Variants in ARMC8 observed in about 807,000 individuals in gnomAD.
ARMC8 encodes the protein armadillo repeat containing 8, also known as armadillo repeat-containing protein 8.
Under a neutral mutation model 99.3 loss-of-function variants are expected in ARMC8, and 20 were observed. That is an observed-to-expected ratio of 0.20 (90% confidence interval 0.14 to 0.29). The LOEUF (loss-of-function observed/expected upper bound fraction) is 0.29, where lower values mean the gene tolerates loss of function less well. ARMC8 is among the 10% of genes least tolerant of loss of function. The pLI is 1.00. For missense variants in ARMC8, 569 were observed against 809.5 expected (o/e 0.70, Z 3.60); for synonymous variants, 263 against 278.3 (o/e 0.95, Z 0.55).
rs751370513 is a variant in ARMC8 at position 138,187,532 on chromosome 3, G to C, written c.-23G>C. 77 of 1,535,402 alleles carry C rather than the reference G, an allele frequency of 5.0e-5. No individual in the cohort carries two copies. The highest frequency in any genetic ancestry group is 1.7e-4 in the Middle Eastern group (1 of 6,008). On this transcript the variant is annotated 5_prime_UTR_variant, in exon 1 of 22. Transcript: ENST00000469044. The stretch of plus-strand genomic sequence containing the variant: ...GCCGGCCCCCGCGCCGGCGCCTGCA[G>C]CAGCCGGGTGGGAAGGCTCAAGATG...
At chr3:138,212,656 G>T (rs968714884) in intron 2 of ARMC8, among the ~76,000 whole-genome samples, 3 of 152,082 alleles carry the variant, frequency 2.0e-5, no homozygotes, top group African/African-American at 7.2e-5. Context: ...AATGAAAATG[G>T]TATTTAGGAA....
chr3:138,188,292 A>G (rs1461891879), intron 1 of ARMC8: 2 of 995,890 alleles, frequency 2.0e-6, no homozygotes, highest in South Asian at 1.9e-5. Flanking sequence ...AGGGGAGTCA[A>G]ACATTGAAGG....
chr3:138,274,939 A>G (rs879620833), intron 18 of ARMC8, among the ~76,000 whole-genome samples: 2 of 152,216 alleles, frequency 1.3e-5, no homozygotes, highest in Non-Finnish European at 2.9e-5. Context: ...CGCTGATAAA[A>G]TAATTCCTCA....
chr3:138,194,555 G>C (rs575711123), intron 1 of ARMC8, among the ~76,000 whole-genome samples: 1 of 151,032 alleles, frequency 6.6e-6, no homozygotes, highest in East Asian at 1.9e-4. Context: ...AGCCAGGATG[G>C]TCTCGATCTC....
intron 12 of ARMC8, among the ~76,000 whole-genome samples, chr3:138,257,098 G>T (rs1196979528): frequency 6.6e-6 from 1 of 152,180 alleles, no homozygotes; most frequent in Non-Finnish European, 1.5e-5. Context: ...AAAATGAACA[G>T]GCACAAATGT....
chr3:138,224,523 A>C (rs1471411408), intron 5 of ARMC8, among the ~76,000 whole-genome samples: 1 of 152,084 alleles, frequency 6.6e-6, no homozygotes, highest in Non-Finnish European at 1.5e-5. Flanking sequence ...TTCAAGATGG[A>C]TATATCACCT....
intron 2 of ARMC8, among the ~76,000 whole-genome samples, chr3:138,213,069 A>G (rs1424386777): frequency 6.6e-6 from 1 of 152,180 alleles, no homozygotes. Flanking sequence ...AGGAGTTCAA[A>G]TCCTGCCTGG....
At chr3:138,197,885 T>C (rs749501676) in intron 1 of ARMC8, among the ~76,000 whole-genome samples, 7 of 152,266 alleles carry the variant, frequency 4.6e-5, no homozygotes, top group Non-Finnish European at 1.0e-4. Flanking sequence ...GATAGCTCTT[T>C]ATGATTTATA....
chr3:138,260,156 T>A lies in ARMC8; in HGVS notation c.1135-3583T>A, dbSNP rs79599323. 2.0e-5 allele frequency among the ~76,000 whole-genome samples: 3 copies of A among 152,312 alleles called. No individual in the cohort carries two copies. The East Asian group carries it at 5.8e-4, about 29-fold the overall frequency. ...GAATACATAATTATAGAAATGCAAG[T>A]AGGAATTGCGCTGTTTGCTTTTCCT... On this transcript the variant is annotated intron_variant, in intron 12 of 21. Transcript: ENST00000469044.
chr3:138,277,159 A>G (rs1053472847), intron 18 of ARMC8, among the ~76,000 whole-genome samples: 3 of 152,216 alleles, frequency 2.0e-5, no homozygotes, highest in Non-Finnish European at 4.4e-5. Context: ...ACAAAGGTAC[A>G]AAGGCAACTT....
intron 2 of ARMC8, among the ~76,000 whole-genome samples, chr3:138,221,207 A>T (rs2045374448): frequency 6.6e-6 from 1 of 152,220 alleles, no homozygotes; most frequent in Admixed American, 6.5e-5. Flanking sequence ...AATGTAAAAG[A>T]TTCTTTGTTA....
chr3:138,263,609 T>A (rs2047973217), intron 12 of ARMC8, 130 bp from the exon 13 acceptor site: 1 of 814,838 alleles, frequency 1.2e-6, no homozygotes, highest in Admixed American at 1.8e-5. Flanking sequence ...AAGATGATTG[T>A]TTGAGAGGTA....
intron 5 of ARMC8, among the ~76,000 whole-genome samples, chr3:138,224,622 A>T (rs1034554976): frequency 4.6e-5 from 7 of 152,166 alleles, no homozygotes; most frequent in Non-Finnish European, 8.8e-5. Context: ...ACGGTGGCAC[A>T]TACCTGCAAC....
intron 1 of ARMC8, among the ~76,000 whole-genome samples, chr3:138,206,340 A>G (rs1310198397): frequency 6.6e-6 from 1 of 152,234 alleles, no homozygotes; most frequent in Non-Finnish European, 1.5e-5. Flanking sequence ...CAATTGCCAT[A>G]TGAGGCTAGA....
intron 1 of ARMC8, among the ~76,000 whole-genome samples, chr3:138,203,518 C>G (rs1360667422): frequency 6.6e-6 from 1 of 152,178 alleles, no homozygotes; most frequent in Non-Finnish European, 1.5e-5. Flanking sequence ...CCATGTGGGC[C>G]TCTCCACGGG....
intron 16 of ARMC8, among the ~76,000 whole-genome samples, chr3:138,270,603 C>CA (rs1314618496): frequency 2.0e-5 from 3 of 152,006 alleles, no homozygotes; most frequent in African/African-American, 7.2e-5. Context: ...TAAAGTACAA[C>CA]ATGATGTTTT....
At position 138,223,398 on chromosome 3, in the gene ARMC8, C is replaced by T; in HGVS notation, c.204C>T (p.Tyr68=). ...IVLGAVPRLL[Y]LLQQETSSTE... is the part of the protein sequence containing the mutation. ...AGTTCCTTCTTTTTAGATTGTTGTA[C>T]TTGCTTCAGCAAGAAACCTCAAGCA... The change falls in exon 4 of 22, where the codon TAC becomes TAT. Residue 68 remains tyrosine (Y), a synonymous_variant. Transcript: ENST00000469044. 1 of 1,613,912 alleles carries T rather than the reference C, an allele frequency of 6.2e-7. No individual in the cohort carries two copies. The highest frequency in any genetic ancestry group is 8.5e-7 in the Non-Finnish European group (1 of 1,179,944).
intron 18 of ARMC8, among the ~76,000 whole-genome samples, chr3:138,276,658 CAG>C (rs2049326359): frequency 6.6e-6 from 1 of 152,138 alleles, no homozygotes; most frequent in Admixed American, 6.5e-5. Context: ...AGATATTAAA[CAG>C]TACCATTTGC....
At chr3:138,221,106 A>G (rs1240598356) in intron 2 of ARMC8, among the ~76,000 whole-genome samples, 1 of 152,168 alleles carries the variant, frequency 6.6e-6, no homozygotes, top group Non-Finnish European at 1.5e-5. Context: ...GATCAGTGGT[A>G]GAGGTTCTCT....
Sources: allele counts gnomAD v4.1 joint callset (sites outside exome capture counted in the v4.1 genomes callset), GRCh38; gene constraint gnomAD v4.1.1; transcripts MANE v1.5; gene names NCBI Gene and HGNC (gene_info 2026-07-23, HGNC 2026-07-21).